Variants in PFKP observed in about 807,000 individuals in gnomAD.
PFKP encodes the protein phosphofructokinase, platelet.
Under a neutral mutation model 94.3 loss-of-function variants are expected in PFKP, and 101 were observed. That is an observed-to-expected ratio of 1.07 (90% CI 0.91 to 1.26). The LOEUF (loss-of-function observed/expected upper bound fraction) is 1.26. Among genes scored for constraint, PFKP ranks in the 50% most tolerant of loss-of-function variants. The pLI is 0.00. For synonymous variants in PFKP, 573 were observed against 432.6 expected, an observed-to-expected ratio of 1.32 and a Z score of -4.03; for missense variants, 1,145 against 1,103.3, an observed-to-expected ratio of 1.04 and a Z score of -0.53.
At chr10:3,135,684 C>T (rs2306317) in intron 20 of PFKP, 52 bp from the exon 21 acceptor site, 7 of 1,100,614 alleles carry the variant, frequency 6.4e-6, no homozygotes, top group Middle Eastern at 2.0e-4. Flanking sequence ...TCTGCTCCCC[C>T]ACCTGCCCAT....
chr10:3,093,638 CT>C (rs765547765), intron 2 of PFKP, among the ~76,000 whole-genome samples: 1,846 of 93,994 alleles, frequency 0.02, 15 homozygotes, highest in African/African-American at 0.065. Context: ...CAAGCATTAT[CT>C]TTTTTTTTTT....
chr10:3,121,803 C>CTTTTCTTTCTTTTTTTTTTTTTTTTT (rs1564339123), intron 16 of PFKP, among the ~76,000 whole-genome samples: 1 of 32,624 alleles, frequency 3.1e-5, no homozygotes, highest in African/African-American at 1.1e-4. Flanking sequence ...CTTTTTTTTT[C>CTTTTCTTTCTTTTTTTTTTTTTTTTT]TTTTTTTTTT....
intron 2 of PFKP, among the ~76,000 whole-genome samples, chr10:3,088,779 G>GTAAT (rs34970131): frequency 0.14 from 21,229 of 151,844 alleles, 1,830 homozygotes; most frequent in East Asian, 0.32. Context: ...ATAGAGTTCA[G>GTAAT]AAATATAGTC....
intron 16 of PFKP, among the ~76,000 whole-genome samples, chr10:3,126,313 TC>T: frequency 6.6e-6 from 1 of 152,312 alleles, no homozygotes; most frequent in East Asian, 1.9e-4. Flanking sequence ...CTCCCTGTGT[TC>T]CCCAGTGCTG....
chr10:3,067,801 G>C, intron 1 of PFKP, 94 bp downstream of exon 1: 1 of 550,720 alleles, frequency 1.8e-6, no homozygotes, highest in South Asian at 3.0e-5. Context: ...GAGAAGAGGG[G>C]GGAAGCGATG....
chr10:3,083,435 G>T (rs1417246585), intron 2 of PFKP, among the ~76,000 whole-genome samples: 2 of 152,140 alleles, frequency 1.3e-5, no homozygotes, highest in Admixed American at 6.5e-5. Flanking sequence ...AAAATGAGAA[G>T]AAGGTATTTT....
chr10:3,119,935 A>T lies in PFKP; in HGVS notation c.1574A>T (p.His525Leu). ...GAGCTGTCAGCCGCCCGGGAGAAGC[A>T]CGAGGAGTTCTGTGTCCCCATGGTC... ...LLELSAAREKHEEFCVPMVMV... is the reference protein window; with the variant it reads ...LLELSAAREKLEEFCVPMVMV... Residue 525 changes from histidine to leucine, a missense_variant, in exon 16 of 22, where the codon CAC (histidine) becomes CTC (leucine). Transcript: ENST00000381125. The T allele has an allele frequency of 6.2e-7, 1 of 1,614,086 alleles. No homozygotes were observed. The highest frequency in any genetic ancestry group is 8.5e-7 in the Non-Finnish European group (1 of 1,179,994).
intron 11 of PFKP, 107 bp from the exon 12 acceptor site, chr10:3,113,012 C>T (rs965840726): frequency 2.4e-4 from 232 of 975,608 alleles, no homozygotes; most frequent in Non-Finnish European, 3.4e-4. Context: ...CCCAGATAGT[C>T]GGGCAGACAC....
chr10:3,101,563 A>T lies in PFKP; in HGVS notation c.454+9A>T. ...GGAGCTGGCCAGGAACGGTGAGTGGACACCTGCTCCTCTGTCCTGCGGGTT... is the reference window on the plus strand; with the variant it reads ...GGAGCTGGCCAGGAACGGTGAGTGGTCACCTGCTCCTCTGTCCTGCGGGTT... On this transcript the variant is annotated intron_variant, in intron 4 of 21. Coordinates refer to ENST00000381125, the MANE Select transcript of PFKP (RefSeq NM_002627.5). The T allele has an allele frequency of 6.6e-7, 1 of 1,516,908 alleles. No homozygotes were observed. The highest frequency in any genetic ancestry group is 2.3e-5 in the East Asian group (1 of 43,068). The allele number at this position is 1,516,908 out of a possible 1,614,324, so 94.0% of individuals were successfully genotyped here. A position where few individuals can be genotyped will look rare whatever the true frequency, so the allele number is the denominator to read the frequency against.
At chr10:3,128,640 T>TCCTCCCCTGGCG (rs749557856) in intron 16 of PFKP, among the ~76,000 whole-genome samples, 40 of 152,184 alleles carry the variant, frequency 2.6e-4, no homozygotes, top group Non-Finnish European at 3.8e-4. Flanking sequence ...CCCTGGCGCC[T>TCCTCCCCTGGCG]CCTCCTTCCA....
chr10:3,107,417 C>T, intron 8 of PFKP, 108 bp downstream of exon 8: 1 of 676,132 alleles, frequency 1.5e-6, no homozygotes, highest in Non-Finnish European at 2.6e-6. Flanking sequence ...ACTTTTTATC[C>T]TTGATATTTA....
Position 3,113,524 on chromosome 10 carries a change from T to A in PFKP, c.1371+6T>A. On this transcript the variant is annotated splice_donor_region_variant and intron_variant, in intron 13 of 21. Transcript: ENST00000381125. Reference sequence around the variant, plus strand: ...ACGGCTTCGCCAAGGGCCAGGTGAGTCACCCAGGATGCCGTAGGCAGGCAG... The same window carrying A: ...ACGGCTTCGCCAAGGGCCAGGTGAGACACCCAGGATGCCGTAGGCAGGCAG... 1 of 1,611,062 alleles carries A rather than the reference T, an allele frequency of 6.2e-7. No individual in the cohort carries two copies. The highest frequency in any genetic ancestry group is 8.5e-7 in the Non-Finnish European group (1 of 1,179,684).
intron 2 of PFKP, among the ~76,000 whole-genome samples, chr10:3,098,505 C>T (rs1834682333): frequency 6.6e-6 from 1 of 151,828 alleles, no homozygotes; most frequent in Non-Finnish European, 1.5e-5. Flanking sequence ...GAAGCCCCGT[C>T]TCTACTAAAA....
chr10:3,070,664 G>T (rs937147575), intron 1 of PFKP, among the ~76,000 whole-genome samples: 1 of 152,146 alleles, frequency 6.6e-6, no homozygotes, highest in South Asian at 2.1e-4. Flanking sequence ...AGTAAGTTAG[G>T]TAAGGGCATG....
chr10:3,117,324 C>T (rs1197666099), intron 14 of PFKP, among the ~76,000 whole-genome samples: 2 of 152,158 alleles, frequency 1.3e-5, no homozygotes, highest in Non-Finnish European at 2.9e-5. Context: ...CTTTTTCAGA[C>T]CTACAGTAAG....
At chr10:3,126,842 G>T (rs1411095870) in intron 16 of PFKP, among the ~76,000 whole-genome samples, 1 of 152,260 alleles carries the variant, frequency 6.6e-6, no homozygotes, top group Non-Finnish European at 1.5e-5. Context: ...TCAGCAGCAG[G>T]ATCGCCTCTG....
At chr10:3,083,192 G>A (rs1304311036) in intron 2 of PFKP, among the ~76,000 whole-genome samples, 1 of 152,166 alleles carries the variant, frequency 6.6e-6, no homozygotes, top group African/African-American at 2.4e-5. Context: ...GGGAAATGAG[G>A]AAAACAGCCA....
rs780256384 is a variant in PFKP at position 3,082,370 on chromosome 10, C to A, written c.113-18C>A. 9 of 1,597,492 alleles carry A rather than the reference C, an allele frequency of 5.6e-6. No individual in the cohort carries two copies. The Admixed American group carries it at 6.8e-5, about 12-fold the overall frequency. On this transcript the variant is annotated intron_variant, in intron 1 of 21. Transcript: ENST00000381125. Reference sequence around the variant, plus strand: ...ACCCCGGGCTCTTCAGTGACTCTTGCTCCTGTTTCCACTGCAGGTATGAAC... The same window carrying A: ...ACCCCGGGCTCTTCAGTGACTCTTGATCCTGTTTCCACTGCAGGTATGAAC...
At chr10:3,132,037 C>T (rs917639199) in intron 17 of PFKP, among the ~76,000 whole-genome samples, 4 of 152,050 alleles carry the variant, frequency 2.6e-5, no homozygotes, top group African/African-American at 4.8e-5. Flanking sequence ...CTGAGAGCAC[C>T]GAGAACATCG....
Sources: allele counts gnomAD v4.1 joint callset (sites outside exome capture counted in the v4.1 genomes callset), GRCh38; gene constraint gnomAD v4.1.1; transcripts MANE v1.5; gene names NCBI Gene and HGNC (gene_info 2026-07-23, HGNC 2026-07-21).